CCNB1IP1: variants seen among roughly 807,000 people sequenced by gnomAD.
CCNB1IP1 encodes E3 ubiquitin-protein ligase CCNB1IP1.
A neutral mutation model predicts 25.6 loss-of-function variants in CCNB1IP1; 14 were observed. The observed-to-expected ratio is 0.55, with a 90% CI of 0.36 to 0.85. CCNB1IP1 has a LOEUF of 0.85. Among genes scored for constraint, CCNB1IP1 ranks in the 40% least tolerant of loss-of-function variants. The pLI is 0.01. For missense variants in CCNB1IP1, 278 were observed against 342.4 expected, an observed-to-expected ratio of 0.81 and a Z score of 1.48; for synonymous variants, 119 against 116.1, an observed-to-expected ratio of 1.02 and a Z score of -0.16.
At chr14:20,324,528 A>G (rs1227821687) in intron 4 of CCNB1IP1, among the ~76,000 whole-genome samples, 1 of 152,152 alleles carries the variant, frequency 6.6e-6, no homozygotes, top group African/African-American at 2.4e-5. Context: ...GATGTCAAAA[A>G]TTGCCAGGTA....
At chr14:20,327,108 A>C (rs947556664) in intron 2 of CCNB1IP1, among the ~76,000 whole-genome samples, 18 of 151,090 alleles carry the variant, frequency 1.2e-4, no homozygotes, top group Non-Finnish European at 2.4e-4. Flanking sequence ...CAACAACAAC[A>C]AAAAAAAACC....
Position 20,313,717 on chromosome 14 carries a change from G to C in CCNB1IP1, c.382C>G (p.Gln128Glu). Residue 128 changes from glutamine (Q) to glutamate (E), a missense_variant, in exon 6 of 7, where the codon CAA becomes GAA. By Grantham distance (29) the Gln-to-Glu change is conservative (BLOSUM62 2). Coordinates refer to ENST00000358932, the MANE Select transcript of CCNB1IP1 (RefSeq NM_021178.5). Reference sequence around the variant, plus strand: ...AATTCTACATCCTTGCTTTGTATTTGCTGAGTATATATCTTCTCCATCTGT... The same window carrying C: ...AATTCTACATCCTTGCTTTGTATTTCCTGAGTATATATCTTCTCCATCTGT... ...LKQMEKIYTQ[Q>E]IQSKDVELTS... 1 of 1,613,964 alleles carries C rather than the reference G, an allele frequency of 6.2e-7. No individual in the cohort carries two copies. Among genetic ancestry groups the C allele is most frequent in the Non-Finnish European group, 8.5e-7 (1 of 1,179,972 alleles).
Position 20,329,152 on chromosome 14 carries a change from TAGATAGG to T in CCNB1IP1, c.-231+15_-231+21del, listed in dbSNP as rs1385285329. 6.6e-6 allele frequency: 1 copy of T among 152,264 alleles called. No individual in the cohort carries two copies. The highest frequency in any genetic ancestry group is 1.9e-4 in the East Asian group (1 of 5,208). The allele number at this position is 152,264 out of a possible 1,614,324, so 9.4% of individuals were successfully genotyped here. ...ACTCGAATCTCTAAGCTAGGCTTTT[TAGATAGG>T]AAAGACACACATACGTGTAATGAAG... On this transcript the variant is annotated intron_variant, in intron 2 of 6. Transcript: ENST00000358932.
intron 5 of CCNB1IP1, chr14:20,315,846 C>A: frequency 3.4e-6 from 3 of 890,858 alleles, no homozygotes; most frequent in Non-Finnish European, 4.8e-6. Flanking sequence ...GAGTTAGAGA[C>A]TAGCCTGGGC....
chr14:20,330,409 G>A (rs1340345323), intron 1 of CCNB1IP1: 1 of 152,108 alleles, frequency 6.6e-6, no homozygotes, highest in Non-Finnish European at 1.5e-5. Context: ...CTAGATGGCA[G>A]GATCAATAGA....
chr14:20,326,196 A>G (rs1399758772), intron 3 of CCNB1IP1, among the ~76,000 whole-genome samples: 2 of 152,224 alleles, frequency 1.3e-5, no homozygotes, highest in African/African-American at 4.8e-5. Flanking sequence ...TAAATTGCCT[A>G]TAGAATTATA....
chr14:20,327,752 C>A (rs1402305254), intron 2 of CCNB1IP1, among the ~76,000 whole-genome samples: 1 of 151,858 alleles, frequency 6.6e-6, no homozygotes, highest in Admixed American at 6.6e-5. Flanking sequence ...TACAATCTAG[C>A]CAGAAAGACA....
chr14:20,328,557 A>T (rs1467987965), intron 2 of CCNB1IP1, among the ~76,000 whole-genome samples: 1 of 152,156 alleles, frequency 6.6e-6, no homozygotes, highest in Non-Finnish European at 1.5e-5. Context: ...AAACTCCTTG[A>T]TCTCTCCAAA....
chr14:20,318,273 C>G (rs76311431), intron 4 of CCNB1IP1: 17,866 of 152,070 alleles, frequency 0.12, 1,173 homozygotes, highest in East Asian at 0.17. Context: ...CAGGAGTTCC[C>G]GACCAGCGTG....
intron 6 of CCNB1IP1, 123 bp downstream of exon 6, chr14:20,313,345 A>G (rs1882565108): frequency 1.0e-5 from 7 of 674,224 alleles, no homozygotes; most frequent in Non-Finnish European, 1.2e-5. Context: ...AAGAATTCAG[A>G]GCCTACCACA....
At chr14:20,320,322 C>T (rs780319997) in intron 4 of CCNB1IP1, 3 of 455,836 alleles carry the variant, frequency 6.6e-6, no homozygotes, top group South Asian at 1.5e-5. Flanking sequence ...AGAGTGACCA[C>T]GACATTCAAG....
chr14:20,313,361 A>G, intron 6 of CCNB1IP1, 107 bp downstream of exon 6: 2 of 848,932 alleles, frequency 2.4e-6, no homozygotes, highest in Non-Finnish European at 1.8e-6. Flanking sequence ...CCACAACTCA[A>G]TGCTTGTCTT....
intron 2 of CCNB1IP1, among the ~76,000 whole-genome samples, chr14:20,327,696 C>A (rs529525849): frequency 2.6e-5 from 4 of 151,964 alleles, no homozygotes; most frequent in Non-Finnish European, 4.4e-5. Context: ...TCATTATGTT[C>A]TTTTTCATGC....
chr14:20,314,060 G>T (rs1030895940), intron 5 of CCNB1IP1, among the ~76,000 whole-genome samples: 3 of 152,278 alleles, frequency 2.0e-5, no homozygotes, highest in Non-Finnish European at 2.9e-5. Context: ...CTGAGTATTT[G>T]TCTTAACAAG....
In CCNB1IP1 at chr14:20,327,204, G is replaced by T. The variant is rs143147595; in HGVS notation, c.-230-411C>A. ...CAATAGTCTAACCAACTTCTGAAAG[G>T]CTATAAAGGTCAACAACCTCACAGT... is the stretch of plus-strand genomic sequence containing the variant. On this transcript the variant is annotated intron_variant, in intron 2 of 6. Coordinates refer to ENST00000358932, the MANE Select transcript of CCNB1IP1 (RefSeq NM_021178.5). Among the ~76,000 whole-genome samples the T allele has an allele frequency of 3.9e-5, 6 of 152,130 alleles. No individual in the cohort carries two copies. The East Asian group carries it at 1.2e-3, about 29-fold the overall frequency.
Position 20,313,776 on chromosome 14 carries a change from T to C in CCNB1IP1, c.323A>G (p.Glu108Gly). 7 of 1,589,660 alleles carry C rather than the reference T, an allele frequency of 4.4e-6. No individual in the cohort carries two copies. Among genetic ancestry groups the C allele is most frequent in the Non-Finnish European group, 6.0e-6 (7 of 1,169,088 alleles). The change falls in exon 6 of 7, where the codon GAA (glutamate) becomes GGA (glycine). Residue 108 changes from glutamate to glycine, a missense_variant. Transcript: ENST00000358932. ...YQVHQERLYQ[E>G]YNFSKAEGHL... ...GCCCTCAGCCTTGCTGAAATTGTAT[T>C]CTTGATAGAGACGTTCCTGATGTAC...
At chr14:20,314,959 C>T (rs1235929601) in intron 5 of CCNB1IP1, among the ~76,000 whole-genome samples, 5 of 150,160 alleles carry the variant, frequency 3.3e-5, no homozygotes, top group Non-Finnish European at 4.4e-5. Flanking sequence ...GGCGTGGTGG[C>T]GGGCGCCTGT....
intron 4 of CCNB1IP1, 66 bp from the exon 5 acceptor site, chr14:20,316,626 A>C: frequency 1.2e-6 from 1 of 821,514 alleles, no homozygotes; most frequent in East Asian, 2.7e-5. Context: ...TAAAAAAGAA[A>C]TATAACATGC....
chr14:20,324,573 T>C (rs979551008), intron 4 of CCNB1IP1, among the ~76,000 whole-genome samples: 5 of 152,224 alleles, frequency 3.3e-5, no homozygotes, highest in African/African-American at 1.2e-4. Flanking sequence ...GCATGGATTC[T>C]GATGACAAAT....
Sources: gnomAD v4.1 joint callset for allele counts (sites outside exome capture counted in the v4.1 genomes callset) on GRCh38, gnomAD v4.1.1 for gene constraint, MANE v1.5 for transcripts, NCBI Gene and HGNC (gene_info 2026-07-23, HGNC 2026-07-21) for gene names.